The following CHST9 variants were observed in gnomAD, a reference collection of about 807,000 sequenced individuals.
The protein encoded by CHST9 is carbohydrate sulfotransferase 9.
In CHST9, 41 loss-of-function variants were observed where a neutral mutation model predicts 44.4. The observed-to-expected ratio is 0.92, with a 90% confidence interval of 0.72 to 1.20. The LOEUF is 1.20. CHST9 is among the 50% of genes most tolerant of loss of function. The pLI is 0.00. For synonymous variants in CHST9, 171 were observed against 178.4 expected (o/e 0.96, Z 0.33); for missense variants, 504 against 516.5 (o/e 0.98, Z 0.23).
chr18:26,969,437 TA>T (rs2056512908), intron 4 of CHST9, among the ~76,000 whole-genome samples: 1 of 151,978 alleles, frequency 6.6e-6, no homozygotes, highest in Non-Finnish European at 1.5e-5. Context: ...TAGAAGTCTC[TA>T]TACAGGTTGA....
rs993713725 is a variant in CHST9, at chr18:26,915,712, T to C, written c.*547A>G. 2 of 152,248 alleles carry C rather than the reference T, an allele frequency of 1.3e-5. No homozygotes were observed. Among genetic ancestry groups the C allele is most frequent in the African/African-American group, 4.8e-5 (2 of 41,446 alleles). 9.4% of individuals were successfully genotyped at this position (152,248 alleles called of 1,614,324 possible). A position where few individuals can be genotyped will look rare whatever the true frequency, so the allele number is the denominator to read the frequency against. On this transcript the variant is annotated 3_prime_UTR_variant, in exon 6 of 6. Coordinates refer to ENST00000618847, the MANE Select transcript of CHST9 (RefSeq NM_031422.6). The stretch of plus-strand genomic sequence containing the variant: ...ACAGCCTCATCTGGTTTTTCTGCTA[T>C]ATTCTCATATTGTAAATCACATAAT...
Position 26,927,357 on chromosome 18 carries a change from G to A in CHST9, c.241-10007C>T, listed in dbSNP as rs1346210430. Among the ~76,000 whole-genome samples the A allele has an allele frequency of 2.6e-5, 4 of 152,096 alleles. No homozygotes were observed. In the South Asian group the frequency reaches 6.2e-4, roughly 24 times the overall value. ...GTACGAGAGACTGAGAAAAGAAAGA[G>A]ATACAGAGACAAAGTATAGAGAAAG... On this transcript the variant is annotated intron_variant, in intron 5 of 5. Coordinates refer to ENST00000618847, the MANE Select transcript of CHST9 (RefSeq NM_031422.6).
intron 2 of CHST9, among the ~76,000 whole-genome samples, chr18:27,113,429 G>T (rs1459391654): frequency 7.2e-5 from 11 of 152,106 alleles, no homozygotes; most frequent in African/African-American, 2.4e-4. Flanking sequence ...CTATTAATAT[G>T]CCTCATTTAA....
At chr18:26,996,346 C>G (rs1568125912) in intron 4 of CHST9, among the ~76,000 whole-genome samples, 1 of 152,150 alleles carries the variant, frequency 6.6e-6, no homozygotes, top group Non-Finnish European at 1.5e-5. Flanking sequence ...AAAGGTAACC[C>G]TCAACGTTGG....
chr18:27,039,861 A>T (rs572006249), intron 3 of CHST9, among the ~76,000 whole-genome samples: 1 of 152,286 alleles, frequency 6.6e-6, no homozygotes, highest in Non-Finnish European at 1.5e-5. Context: ...CAAGAAAGCT[A>T]GCAGATTAGG....
At chr18:27,075,448 T>A (rs1387320258) in intron 2 of CHST9, among the ~76,000 whole-genome samples, 1 of 152,214 alleles carries the variant, frequency 6.6e-6, no homozygotes, top group African/African-American at 2.4e-5. Context: ...TATCTGAAAG[T>A]ATCATTCATT....
chr18:27,062,074 C>G (rs2057728790), intron 2 of CHST9, among the ~76,000 whole-genome samples: 1 of 152,158 alleles, frequency 6.6e-6, no homozygotes, highest in African/African-American at 2.4e-5. Flanking sequence ...ACACTCAGTC[C>G]TCTCTTACTG....
chr18:26,918,620 T>C (rs572327069), intron 5 of CHST9, among the ~76,000 whole-genome samples: 1 of 152,088 alleles, frequency 6.6e-6, no homozygotes, highest in Non-Finnish European at 1.5e-5. Context: ...TCTCAAATAT[T>C]TGTGGAATGA....
At chr18:26,975,775 T>G (rs1436139268) in intron 4 of CHST9, among the ~76,000 whole-genome samples, 2 of 140,632 alleles carry the variant, frequency 1.4e-5, no homozygotes, top group Non-Finnish European at 3.1e-5. Flanking sequence ...AACATTTTCT[T>G]TATCTTATTC....
chr18:26,945,104 A>C (rs549791128), intron 4 of CHST9, among the ~76,000 whole-genome samples: 136 of 152,336 alleles, frequency 8.9e-4, no homozygotes, highest in African/African-American at 3.2e-3. Flanking sequence ...ATGAGAAAAG[A>C]AAAGAGAGAA....
intron 1 of CHST9, among the ~76,000 whole-genome samples, chr18:27,168,914 A>T (rs2058812352): frequency 1.3e-5 from 2 of 152,234 alleles, no homozygotes. Flanking sequence ...AAGAGGGTCC[A>T]GGACTTCCCT....
At chr18:27,063,704 A>C (rs1238170330) in intron 2 of CHST9, among the ~76,000 whole-genome samples, 1 of 152,234 alleles carries the variant, frequency 6.6e-6, no homozygotes, top group African/African-American at 2.4e-5. Context: ...CTGGCTGCTT[A>C]CATAGCCCCA....
chr18:27,109,783 C>G (rs1161305269), intron 2 of CHST9, among the ~76,000 whole-genome samples: 3 of 151,690 alleles, frequency 2.0e-5, no homozygotes, highest in African/African-American at 7.3e-5. Flanking sequence ...TTTTTTTAAC[C>G]TCAAGGCTGT....
intron 5 of CHST9, among the ~76,000 whole-genome samples, chr18:26,932,382 AAC>A (rs1303481655): frequency 1.3e-5 from 2 of 152,200 alleles, no homozygotes; most frequent in African/African-American, 4.8e-5. Context: ...TACTGTTAGA[AAC>A]ACATATACTG....
At chr18:26,945,337 C>G (rs1024894071) in intron 4 of CHST9, among the ~76,000 whole-genome samples, 1 of 152,162 alleles carries the variant, frequency 6.6e-6, no homozygotes, top group Non-Finnish European at 1.5e-5. Context: ...ATATTACAAC[C>G]AAGGTATTAA....
At chr18:27,059,705 A>T (rs1050718570) in intron 2 of CHST9, among the ~76,000 whole-genome samples, 1 of 152,178 alleles carries the variant, frequency 6.6e-6, no homozygotes, top group Non-Finnish European at 1.5e-5. Context: ...GCTTGTGGAG[A>T]AAACTGGTGG....
Position 27,149,063 on chromosome 18 carries a change from G to A in CHST9, c.-96-6158C>T, listed in dbSNP as rs1332975262. Among the ~76,000 whole-genome samples, 2 of 130,526 alleles carry A rather than the reference G, an allele frequency of 1.5e-5. 1 individual carries two copies. The highest frequency in any genetic ancestry group is 3.4e-5 in the Non-Finnish European group (2 of 59,328). The allele number at this position is 130,526 out of a possible 152,430, so 85.6% of individuals were successfully genotyped here. A position where few individuals can be genotyped will look rare whatever the true frequency, so the allele number is the denominator to read the frequency against. On this transcript the variant is annotated intron_variant, in intron 1 of 5. Transcript: ENST00000618847. ...TGGCTGCATGAATGTCTTCCTTTGA[G>A]AAGTGTCTGTTCATATCCTTCACCC...
intron 3 of CHST9, among the ~76,000 whole-genome samples, chr18:27,042,075 A>G (rs1032633590): frequency 2.0e-5 from 3 of 152,146 alleles, no homozygotes; most frequent in Admixed American, 1.3e-4. Context: ...AGGCCGAGGC[A>G]GAAAATTGGT....
chr18:27,026,182 A>G (rs1199062197), intron 3 of CHST9, among the ~76,000 whole-genome samples: 1 of 152,102 alleles, frequency 6.6e-6, no homozygotes, highest in Non-Finnish European at 1.5e-5. Flanking sequence ...ATGTCTGGAG[A>G]CCTGATATTA....
Sources: gnomAD v4.1 joint callset for allele counts (sites outside exome capture counted in the v4.1 genomes callset) on GRCh38, gnomAD v4.1.1 for gene constraint, MANE v1.5 for transcripts, NCBI Gene and HGNC (gene_info 2026-07-23, HGNC 2026-07-21) for gene names.